The following GPM6A variants were observed in gnomAD, a reference collection of about 807,000 sequenced individuals.
The protein encoded by GPM6A is neuronal membrane glycoprotein M6-a.
A neutral mutation model predicts 32.1 loss-of-function variants in GPM6A; 7 were observed. That is an observed-to-expected ratio of 0.22 (90% CI 0.12 to 0.41). The LOEUF (loss-of-function observed/expected upper bound fraction) is 0.41, where lower values mean the gene tolerates loss of function less well. Among genes scored for constraint, GPM6A ranks in the 10% least tolerant of loss-of-function variants. The pLI is 1.00. For synonymous variants in GPM6A, 130 were observed against 123.4 expected, an observed-to-expected ratio of 1.05 and a Z score of -0.35; for missense variants, 235 against 347.2, an observed-to-expected ratio of 0.68 and a Z score of 2.57.
chr4:175,844,332 A>T (rs1222231881), intron 1 of GPM6A, among the ~76,000 whole-genome samples: 1 of 152,184 alleles, frequency 6.6e-6, no homozygotes, highest in Non-Finnish European at 1.5e-5. Flanking sequence ...AGTTGAGAAG[A>T]CAAGGCAGTC....
chr4:175,970,574 A>G (rs978577059), intron 1 of GPM6A, among the ~76,000 whole-genome samples: 2 of 152,224 alleles, frequency 1.3e-5, no homozygotes, highest in African/African-American at 4.8e-5. Flanking sequence ...TCTTTGGAAG[A>G]CAAATTCTTT....
chr4:175,753,840 A>G (rs1732429185), intron 1 of GPM6A, among the ~76,000 whole-genome samples: 1 of 152,140 alleles, frequency 6.6e-6, no homozygotes, highest in Admixed American at 6.6e-5. Context: ...ATGTCCAACA[A>G]TTTGATCATG....
intron 1 of GPM6A, among the ~76,000 whole-genome samples, chr4:175,778,110 A>G (rs971222756): frequency 2.0e-5 from 3 of 152,200 alleles, no homozygotes; most frequent in African/African-American, 7.2e-5. Flanking sequence ...TTATTAAAAA[A>G]TACCAGAGTA....
chr4:175,859,620 A>T (rs1736514974), intron 1 of GPM6A, among the ~76,000 whole-genome samples: 1 of 152,144 alleles, frequency 6.6e-6, no homozygotes, highest in African/African-American at 2.4e-5. Flanking sequence ...AGCCAAATGA[A>T]CCCAGAGAAA....
At chr4:175,689,342 G>A (rs1166511589) in intron 2 of GPM6A, among the ~76,000 whole-genome samples, 2 of 151,990 alleles carry the variant, frequency 1.3e-5, no homozygotes, top group African/African-American at 4.8e-5. Context: ...GCATTATATG[G>A]GAAGTCTTTC....
At chr4:175,799,847 T>G (rs566317065) in intron 1 of GPM6A, among the ~76,000 whole-genome samples, 1 of 151,946 alleles carries the variant, frequency 6.6e-6, no homozygotes, top group South Asian at 2.1e-4. Flanking sequence ...GCTAATTTTT[T>G]GTATTTTTAG....
chr4:175,841,880 T>A (rs1735946911), intron 1 of GPM6A, among the ~76,000 whole-genome samples: 1 of 152,068 alleles, frequency 6.6e-6, no homozygotes, highest in Admixed American at 6.6e-5. Context: ...TTACAGAAAA[T>A]GAGTTTTCTA....
At chr4:175,807,996 T>C (rs1340404676) in intron 1 of GPM6A, among the ~76,000 whole-genome samples, 1 of 152,210 alleles carries the variant, frequency 6.6e-6, no homozygotes, top group Non-Finnish European at 1.5e-5. Context: ...TTCATTTAGG[T>C]AAAGTCCTTA....
At chr4:175,872,273 C>T (rs1207785871) in intron 1 of GPM6A, among the ~76,000 whole-genome samples, 1 of 152,178 alleles carries the variant, frequency 6.6e-6, no homozygotes, top group African/African-American at 2.4e-5. Flanking sequence ...ACCGTGGTGT[C>T]ACCCTGAACA....
At chr4:175,754,044 C>T (rs529083597) in intron 1 of GPM6A, among the ~76,000 whole-genome samples, 4 of 152,250 alleles carry the variant, frequency 2.6e-5, no homozygotes, top group African/African-American at 7.2e-5. Context: ...TATCAATTCA[C>T]TTGTTCCTAA....
chr4:175,735,354 C>T (rs1731613811), intron 1 of GPM6A, among the ~76,000 whole-genome samples: 1 of 152,066 alleles, frequency 6.6e-6, no homozygotes, highest in Admixed American at 6.5e-5. Flanking sequence ...ATTTGGGAAG[C>T]AAGAAGGAAT....
At chr4:175,821,640 T>C (rs1302542870) in intron 1 of GPM6A, among the ~76,000 whole-genome samples, 5 of 152,070 alleles carry the variant, frequency 3.3e-5, no homozygotes, top group African/African-American at 1.2e-4. Context: ...TAAGAATGTT[T>C]TAAAATGTTC....
chr4:175,933,980 AT>A (rs1310883098), intron 1 of GPM6A, among the ~76,000 whole-genome samples: 2 of 152,250 alleles, frequency 1.3e-5, no homozygotes, highest in African/African-American at 4.8e-5. Flanking sequence ...AAAACGTAGA[AT>A]AACATGTATG....
intron 1 of GPM6A, among the ~76,000 whole-genome samples, chr4:175,854,150 C>T (rs1406206746): frequency 6.6e-6 from 1 of 152,064 alleles, no homozygotes; most frequent in African/African-American, 2.4e-5. Flanking sequence ...CACAAGATAG[C>T]AGAAGATAAG....
At chr4:175,669,404 AT>A (rs1202331724) in intron 3 of GPM6A, among the ~76,000 whole-genome samples, 1 of 151,896 alleles carries the variant, frequency 6.6e-6, no homozygotes, top group Non-Finnish European at 1.5e-5. Flanking sequence ...TGAATTTCAA[AT>A]TTTTTTTAGG....
intron 1 of GPM6A, among the ~76,000 whole-genome samples, chr4:175,890,925 T>G (rs1404542089): frequency 1.3e-5 from 2 of 152,058 alleles, no homozygotes; most frequent in Non-Finnish European, 2.9e-5. Context: ...TATATACATT[T>G]AAACACAAAA....
intron 3 of GPM6A, among the ~76,000 whole-genome samples, chr4:175,666,216 G>A (rs750242240): frequency 2.2e-4 from 33 of 152,050 alleles, no homozygotes; most frequent in Non-Finnish European, 4.3e-4. Context: ...CACTGTGCCC[G>A]GACTGAGAAA....
At chr4:175,997,128 A>G (rs1013267306) in intron 1 of GPM6A, among the ~76,000 whole-genome samples, 7 of 152,176 alleles carry the variant, frequency 4.6e-5, no homozygotes, top group Non-Finnish European at 1.0e-4. Flanking sequence ...CTGTCTTCAG[A>G]TGGCTGAATC....
intron 1 of GPM6A, among the ~76,000 whole-genome samples, chr4:175,913,771 C>T (rs190262316): frequency 3.2e-4 from 49 of 152,266 alleles, no homozygotes; most frequent in East Asian, 1.9e-3. Context: ...ACTCTGACCA[C>T]TATATTTAGG....
Sources: allele counts gnomAD v4.1 joint callset (sites outside exome capture counted in the v4.1 genomes callset), GRCh38; gene constraint gnomAD v4.1.1; transcripts MANE v1.5; gene names NCBI Gene and HGNC (gene_info 2026-07-23, HGNC 2026-07-21).